Variants in DYNC2H1 observed in about 807,000 individuals in gnomAD.
DYNC2H1 encodes dynein cytoplasmic 2 heavy chain 1.
A neutral mutation model predicts 570.0 loss-of-function variants in DYNC2H1; 410 were observed. The observed-to-expected ratio is 0.72, with a 90% confidence interval of 0.66 to 0.78. The LOEUF (loss-of-function observed/expected upper bound fraction) is 0.78, where lower values mean the gene tolerates loss of function less well. Ranked by LOEUF, DYNC2H1 falls within the 30% of genes least tolerant of loss-of-function variation. The pLI, the probability that DYNC2H1 is intolerant of heterozygous loss-of-function variation, is 0.00. For missense variants in DYNC2H1, 4,865 were observed against 5,046.4 expected (o/e 0.96, Z 1.09); for synonymous variants, 1,688 against 1,677.6 (o/e 1.01, Z -0.15).
intron 82 of DYNC2H1, among the ~76,000 whole-genome samples, chr11:103,350,283 G>GAAGATA (rs1939981448): frequency 6.6e-6 from 1 of 152,070 alleles, no homozygotes; most frequent in Admixed American, 6.5e-5. Context: ...TTCAAAAACA[G>GAAGATA]AAGATACATA....
At chr11:103,460,862 TTCATTAAAAGATATTTTATTGTTAA>T (rs1944987640) in intron 87 of DYNC2H1, among the ~76,000 whole-genome samples, 1 of 152,092 alleles carries the variant, frequency 6.6e-6, no homozygotes, top group Non-Finnish European at 1.5e-5. Flanking sequence ...TCATTTGGGA[TTCATTAAAAGATATTTTATTGTTAA>T]GAATTAAAAT....
chr11:103,274,623 A>G (rs1181912738), intron 70 of DYNC2H1, among the ~76,000 whole-genome samples: 1 of 152,110 alleles, frequency 6.6e-6, no homozygotes, highest in Non-Finnish European at 1.5e-5. Context: ...CCTAATACCT[A>G]AGAATACTAC....
chr11:103,329,487 G>T (rs998671831), intron 82 of DYNC2H1, among the ~76,000 whole-genome samples: 7 of 152,080 alleles, frequency 4.6e-5, no homozygotes, highest in African/African-American at 1.7e-4. Flanking sequence ...GAATATAGGT[G>T]ATTAATTTAG....
chr11:103,258,231 T>C (rs1364555735), intron 69 of DYNC2H1, among the ~76,000 whole-genome samples: 2 of 152,240 alleles, frequency 1.3e-5, no homozygotes, highest in Non-Finnish European at 2.9e-5. Context: ...AACTAAAAGA[T>C]ACAATACTGT....
At chr11:103,176,506 C>G (rs1275657203) in intron 37 of DYNC2H1, 72 bp downstream of exon 37, 1 of 1,179,920 alleles carries the variant, frequency 8.5e-7, no homozygotes, top group Non-Finnish European at 1.1e-6. Flanking sequence ...TATCCTTGTC[C>G]TTCATCTTTC....
chr11:103,428,627 C>T (rs942188491), intron 84 of DYNC2H1, among the ~76,000 whole-genome samples: 1 of 152,138 alleles, frequency 6.6e-6, no homozygotes, highest in African/African-American at 2.4e-5. Context: ...TCCTATTAAA[C>T]AACAGCTCCC....
rs913559604 is a variant in DYNC2H1, at chr11:103,479,141, T to C, written c.12812T>C (p.Val4271Ala). The change falls in exon 89 of 89, where the codon GTT becomes GCT. Residue 4271 changes from valine to alanine, a missense_variant. Val to Ala is a moderately conservative substitution (Grantham distance 64, BLOSUM62 0). Coordinates refer to ENST00000375735, the MANE Select transcript of DYNC2H1 (RefSeq NM_001377.3). ...CCGGATGAGTGCATCTCTTTGCCTG[T>C]TTACACAAGTGCTGAAAGGGATCGT... ...YSPDECISLP[V>A]YTSAERDRVV... The C allele has an allele frequency of 3.1e-6, 5 of 1,613,710 alleles. No individual in the cohort carries two copies. Among genetic ancestry groups the C allele is most frequent in the Non-Finnish European group, 4.2e-6 (5 of 1,179,782 alleles).
At chr11:103,179,335 T>C in intron 39 of DYNC2H1, 102 bp downstream of exon 39, 1 of 1,057,944 alleles carries the variant, frequency 9.5e-7, no homozygotes. Flanking sequence ...GAATACATAT[T>C]TTTCCCATTT....
At position 103,367,594 on chromosome 11, in the gene DYNC2H1, G is replaced by A. The variant is rs569616711; in HGVS notation, c.12156+9235G>A. ...AATGCATTTATCATTTCTTTGTGGT[G>A]AGAATGTGGAAAGCCTCTCTTCTAG... On this transcript the variant is annotated intron_variant, in intron 83 of 88. Transcript: ENST00000375735. Among the ~76,000 whole-genome samples, 45 of 152,188 alleles carry A rather than the reference G, an allele frequency of 3.0e-4. 1 individual carries two copies. In the South Asian group the frequency reaches 8.9e-3, roughly 30 times the overall value.
chr11:103,238,787 C>T (rs1160860930), intron 63 of DYNC2H1, among the ~76,000 whole-genome samples: 1 of 152,196 alleles, frequency 6.6e-6, no homozygotes, highest in Non-Finnish European at 1.5e-5. Context: ...CAAATCCTTA[C>T]ATACCCTTGG....
chr11:103,208,692 T>C (rs1034362131), intron 52 of DYNC2H1, among the ~76,000 whole-genome samples: 1 of 152,138 alleles, frequency 6.6e-6, no homozygotes, highest in African/African-American at 2.4e-5. Context: ...GTTGATAGGA[T>C]CCATCAGTTT....
At chr11:103,258,527 T>A (rs1865150714) in intron 69 of DYNC2H1, among the ~76,000 whole-genome samples, 1 of 152,092 alleles carries the variant, frequency 6.6e-6, no homozygotes, top group Admixed American at 6.5e-5. Flanking sequence ...ACTTGAGAGT[T>A]GAGGGGCTAA....
intron 40 of DYNC2H1, among the ~76,000 whole-genome samples, chr11:103,183,686 A>C (rs1861944962): frequency 1.3e-5 from 2 of 151,862 alleles, no homozygotes; most frequent in South Asian, 4.1e-4. Context: ...AATTCAGCAA[A>C]TAAGAAAATA....
intron 85 of DYNC2H1, 131 bp downstream of exon 85, chr11:103,436,163 T>C: frequency 1.4e-6 from 1 of 726,966 alleles, no homozygotes; most frequent in Non-Finnish European, 2.1e-6. Context: ...TATTCATTAT[T>C]CTGCCATTTG....
intron 65 of DYNC2H1, among the ~76,000 whole-genome samples, chr11:103,246,005 G>A (rs1470009681): frequency 1.3e-5 from 2 of 152,124 alleles, no homozygotes; most frequent in African/African-American, 2.4e-5. Flanking sequence ...ATGTTATTGG[G>A]GCAACGCAGA....
Position 103,188,402 on chromosome 11 carries a change from A to G in DYNC2H1, c.7141-95A>G, listed in dbSNP as rs1020666451. 65 of 920,146 alleles carry G rather than the reference A, an allele frequency of 7.1e-5. 1 individual carries two copies. Among genetic ancestry groups the G allele is most frequent in the Non-Finnish European group, 9.8e-5 (62 of 632,504 alleles). 57.0% of individuals were successfully genotyped at this position (920,146 alleles called of 1,614,324 possible). ...CTTGAGTTAGATAGATGATGATTGCATTTAGAAATAATTGAAACTTAGGCA... is the reference window on the plus strand; with the variant it reads ...CTTGAGTTAGATAGATGATGATTGCGTTTAGAAATAATTGAAACTTAGGCA... On this transcript the variant is annotated intron_variant, in intron 43 of 88. Transcript: ENST00000375735.
intron 82 of DYNC2H1, among the ~76,000 whole-genome samples, chr11:103,347,503 G>A (rs923979207): frequency 2.8e-5 from 4 of 145,130 alleles, no homozygotes; most frequent in Non-Finnish European, 6.1e-5. Context: ...GTTTTAAAAC[G>A]CTTAAGGAAT....
chr11:103,311,343 T>C (rs1373184679), intron 78 of DYNC2H1, among the ~76,000 whole-genome samples: 1 of 152,170 alleles, frequency 6.6e-6, no homozygotes, highest in Non-Finnish European at 1.5e-5. Context: ...TTTATACTAG[T>C]CTGATATATA....
At chr11:103,428,392 A>G (rs553060083) in intron 84 of DYNC2H1, among the ~76,000 whole-genome samples, 2 of 152,242 alleles carry the variant, frequency 1.3e-5, no homozygotes, top group East Asian at 1.9e-4. Context: ...AATAACAAAA[A>G]CTATCTAACA....
Sources: allele counts gnomAD v4.1 joint callset (sites outside exome capture counted in the v4.1 genomes callset), GRCh38; gene constraint gnomAD v4.1.1; transcripts MANE v1.5; gene names NCBI Gene and HGNC (gene_info 2026-07-23, HGNC 2026-07-21).